Variants in KLF7 observed in about 807,000 individuals in gnomAD.
KLF7 encodes KLF transcription factor 7.
Under a neutral mutation model 27.3 loss-of-function variants are expected in KLF7, and 2 were observed. The ratio of observed to expected loss-of-function variants is 0.07; its 90% CI spans 0.03 to 0.23. KLF7 has a LOEUF of 0.23. Ranked by LOEUF, KLF7 falls within the 10% of genes least tolerant of loss-of-function variation. KLF7 has a pLI of 1.00. For missense variants in KLF7, 221 were observed against 394.1 expected (o/e 0.56, Z 3.72); for synonymous variants, 165 against 162.4 (o/e 1.02, Z -0.12).
chr2:207,082,988 G>A (rs1237746722), intron 3 of KLF7, among the ~76,000 whole-genome samples: 1 of 152,156 alleles, frequency 6.6e-6, no homozygotes, highest in Non-Finnish European at 1.5e-5. Flanking sequence ...ATAAAAATGC[G>A]AAAAGTACAA....
intron 1 of KLF7, among the ~76,000 whole-genome samples, chr2:207,144,162 G>A (rs1391719499): frequency 2.1e-5 from 2 of 96,586 alleles, no homozygotes; most frequent in African/African-American, 5.0e-5. Context: ...GTCACAGCGG[G>A]GGGGAGAAAA....
chr2:207,160,439 T>A (rs151236719), intron 1 of KLF7, among the ~76,000 whole-genome samples: 1 of 152,328 alleles, frequency 6.6e-6, no homozygotes, highest in East Asian at 1.9e-4. Flanking sequence ...TTTCTGCATT[T>A]GCCAGTCGTG....
chr2:207,165,718 A>G lies in KLF7; in HGVS notation c.-150T>C. 1 of 1,463,108 alleles carries G rather than the reference A, an allele frequency of 6.8e-7. No individual in the cohort carries two copies. The highest frequency in any genetic ancestry group is 9.0e-7 in the Non-Finnish European group (1 of 1,114,720). The allele number at this position is 1,463,108 out of a possible 1,614,324, so 90.6% of individuals were successfully genotyped here. ...TTTGTTTCAGTCAACTAAAAAGGAAAAAAAAAAATCAATGCAGGAGAGGGA... is the reference window on the plus strand; with the variant it reads ...TTTGTTTCAGTCAACTAAAAAGGAAGAAAAAAAATCAATGCAGGAGAGGGA... On this transcript the variant is annotated 5_prime_UTR_variant, in exon 1 of 4. Coordinates refer to ENST00000309446, the MANE Select transcript of KLF7 (RefSeq NM_003709.4).
At chr2:207,124,794 A>C (rs1251602089) in intron 1 of KLF7, among the ~76,000 whole-genome samples, 1 of 152,206 alleles carries the variant, frequency 6.6e-6, no homozygotes, top group Non-Finnish European at 1.5e-5. Flanking sequence ...TTTCATACTA[A>C]GACAAGACTT....
intron 3 of KLF7, among the ~76,000 whole-genome samples, chr2:207,082,276 G>GA (rs2105848536): frequency 6.6e-6 from 1 of 152,332 alleles, no homozygotes; most frequent in South Asian, 2.1e-4. Flanking sequence ...GACATCTGCT[G>GA]AAATTATTGG....
chr2:207,123,642 G>A (rs2077398116), intron 2 of KLF7, 132 bp downstream of exon 2: 6 of 933,566 alleles, frequency 6.4e-6, no homozygotes, highest in Non-Finnish European at 6.6e-6. Flanking sequence ...GTCCCTACCT[G>A]GGGCCTCCCG....
At chr2:207,135,846 T>A (rs139739152) in intron 1 of KLF7, among the ~76,000 whole-genome samples, 68 of 152,230 alleles carry the variant, frequency 4.5e-4, no homozygotes, top group African/African-American at 1.5e-3. Flanking sequence ...ATGCTTACTG[T>A]CTGGGACAGA....
upstream of KLF7, among the ~76,000 whole-genome samples, chr2:207,172,164 T>C (rs1367661158): frequency 6.6e-6 from 1 of 152,044 alleles, no homozygotes; most frequent in Non-Finnish European, 1.5e-5. Flanking sequence ...GAAATTTCTC[T>C]CCCTCAAAGC....
chr2:207,076,645 T>C lies in KLF7; in HGVS notation c.*4568A>G, dbSNP rs950401045. The C allele has an allele frequency of 6.6e-6, 1 of 152,180 alleles. No individual in the cohort carries two copies. The highest frequency in any genetic ancestry group is 1.5e-5 in the Non-Finnish European group (1 of 68,034). The allele number at this position is 152,180 out of a possible 1,614,324, so 9.4% of individuals were successfully genotyped here. A position where few individuals can be genotyped will look rare whatever the true frequency, so the allele number is the denominator to read the frequency against. On this transcript the variant is annotated 3_prime_UTR_variant, in exon 4 of 4. Transcript: ENST00000309446. ...TCTGCTTCCTTTCACACATTTCTGTTGTTCCATCTCAAGTATTCCCAAAGA... is the reference window on the plus strand; with the variant it reads ...TCTGCTTCCTTTCACACATTTCTGTCGTTCCATCTCAAGTATTCCCAAAGA...
Position 207,080,963 on chromosome 2 carries a change from A to T in KLF7, c.*250T>A. Reference sequence around the variant, plus strand: ...CTGGTTTCCTTCTTCATCTTCTTCCATCTGGCTAGGGCAAGGCATAAAGAA... The same window carrying T: ...CTGGTTTCCTTCTTCATCTTCTTCCTTCTGGCTAGGGCAAGGCATAAAGAA... On this transcript the variant is annotated 3_prime_UTR_variant, in exon 4 of 4. Coordinates refer to ENST00000309446, the MANE Select transcript of KLF7 (RefSeq NM_003709.4). The T allele has an allele frequency of 2.3e-6, 1 of 440,038 alleles. No homozygotes were observed. The highest frequency in any genetic ancestry group is 4.0e-6 in the Non-Finnish European group (1 of 249,642). 27.3% of individuals were successfully genotyped at this position (440,038 alleles called of 1,614,324 possible).
chr2:207,091,873 A>G (rs149788350), intron 2 of KLF7, among the ~76,000 whole-genome samples: 48 of 152,270 alleles, frequency 3.2e-4, no homozygotes, highest in African/African-American at 1.1e-3. Flanking sequence ...GAGGGTGGAC[A>G]TATCTGTAGC....
intron 3 of KLF7, among the ~76,000 whole-genome samples, chr2:207,087,314 GA>G (rs143844747): frequency 6.7e-6 from 1 of 150,370 alleles, no homozygotes; most frequent in East Asian, 1.9e-4. Flanking sequence ...CAGGAAGAAG[GA>G]AAAAAAAAGG....
At chr2:207,104,817 T>C (rs959481815) in intron 2 of KLF7, among the ~76,000 whole-genome samples, 1 of 152,238 alleles carries the variant, frequency 6.6e-6, no homozygotes, top group African/African-American at 2.4e-5. Flanking sequence ...TTTGGAAATA[T>C]TTTCTGATAA....
upstream of KLF7, among the ~76,000 whole-genome samples, chr2:207,168,228 A>G (rs2078757607): frequency 6.6e-6 from 1 of 152,260 alleles, no homozygotes; most frequent in South Asian, 2.1e-4. Context: ...GTGTTACATT[A>G]TAACAATTTT....
chr2:207,167,099 G>T (rs754847118), upstream of KLF7: 7 of 1,403,454 alleles, frequency 5.0e-6, no homozygotes, highest in South Asian at 3.0e-5. Flanking sequence ...GCAAGCTGGA[G>T]CCGGCAGCTT....
chr2:207,080,991 G>A lies in KLF7; in HGVS notation c.*222C>T. On this transcript the variant is annotated 3_prime_UTR_variant, in exon 4 of 4. Coordinates refer to ENST00000309446, the MANE Select transcript of KLF7 (RefSeq NM_003709.4). ...TGGCTAGGGCAAGGCATAAAGAATA[G>A]ACGTATATATTTTAAATATAGTTGA... is the stretch of plus-strand genomic sequence containing the variant. The A allele has an allele frequency of 5.7e-6, 3 of 525,208 alleles. No individual in the cohort carries two copies. Among genetic ancestry groups the A allele is most frequent in the Middle Eastern group, 4.9e-4 (1 of 2,024 alleles). 32.5% of individuals were successfully genotyped at this position (525,208 alleles called of 1,614,324 possible).
chr2:207,151,860 T>C (rs2078257135), intron 1 of KLF7, among the ~76,000 whole-genome samples: 1 of 152,172 alleles, frequency 6.6e-6, no homozygotes, highest in Non-Finnish European at 1.5e-5. Flanking sequence ...CAAGTAATTT[T>C]TTTAAATGGC....
rs1173095358 is a variant in KLF7 at position 207,079,447 on chromosome 2, G to C, written c.*1766C>G. On this transcript the variant is annotated 3_prime_UTR_variant, in exon 4 of 4. Coordinates refer to ENST00000309446, the MANE Select transcript of KLF7 (RefSeq NM_003709.4). ...GGAGCAGCAACCGTGTGTGGACCAA[G>C]CGCCATTTTTGTTTTATAGACGTGT... 6.6e-6 allele frequency: 1 copy of C among 152,258 alleles called. No individual in the cohort carries two copies. The highest frequency in any genetic ancestry group is 1.5e-5 in the Non-Finnish European group (1 of 68,094). The allele number at this position is 152,258 out of a possible 1,614,324, so 9.4% of individuals were successfully genotyped here.
rs200258050 is a variant in KLF7 at position 207,076,705 on chromosome 2, T to C, written c.*4508A>G. 5.3e-5 allele frequency: 8 copies of C among 152,168 alleles called. No individual in the cohort carries two copies. In the East Asian group the frequency reaches 1.5e-3, roughly 29 times the overall value. The allele number at this position is 152,168 out of a possible 1,614,324, so 9.4% of individuals were successfully genotyped here. A position where few individuals can be genotyped will look rare whatever the true frequency, so the allele number is the denominator to read the frequency against. On this transcript the variant is annotated 3_prime_UTR_variant, in exon 4 of 4. Coordinates refer to ENST00000309446, the MANE Select transcript of KLF7 (RefSeq NM_003709.4). ...AGGAAAGTAGGCCATCAAAGAGACA[T>C]TGATGTATACTCAGGATAGGCCCTC...
Sources: gnomAD v4.1 joint callset for allele counts (sites outside exome capture counted in the v4.1 genomes callset) on GRCh38, gnomAD v4.1.1 for gene constraint, MANE v1.5 for transcripts, NCBI Gene and HGNC (gene_info 2026-07-23, HGNC 2026-07-21) for gene names.